TRIM9: variants seen among roughly 807,000 people sequenced by gnomAD.
TRIM9 encodes tripartite motif containing 9.
TRIM9 carries 26 observed loss-of-function variants against 78.3 expected under a neutral mutation model. The ratio of observed to expected loss-of-function variants is 0.33; its 90% confidence interval spans 0.24 to 0.46. The LOEUF is 0.46. Among genes scored for constraint, TRIM9 ranks in the 20% least tolerant of loss-of-function variants. TRIM9 has a pLI of 1.00. For missense variants in TRIM9, 787 were observed against 1,036.4 expected, an observed-to-expected ratio of 0.76 and a Z score of 3.30; for synonymous variants, 398 against 416.5, an observed-to-expected ratio of 0.96 and a Z score of 0.54.
At position 51,090,604 on chromosome 14, in the gene TRIM9, A is replaced by AT. The variant is rs1370204349; in HGVS notation, c.822+3513dup. On this transcript the variant is annotated intron_variant, in intron 1 of 12. Transcript: ENST00000684578. ...AATATGTTACTGATTCAGTGACTTC[A>AT]TTTTTTTATTTTGAGACAGTCTTGC... The AT allele has an allele frequency of 2.6e-5, 4 of 152,072 alleles. No individual in the cohort carries two copies. The East Asian group carries it at 5.8e-4, about 22-fold the overall frequency. 9.4% of individuals were successfully genotyped at this position (152,072 alleles called of 1,614,324 possible).
intron 7 of TRIM9, among the ~76,000 whole-genome samples, chr14:50,995,245 C>T (rs559667195): frequency 1.2e-4 from 19 of 152,126 alleles, no homozygotes; most frequent in Non-Finnish European, 2.5e-4. Flanking sequence ...AAAATTTTAT[C>T]TTCCTGCTAA....
At chr14:51,026,750 A>C (rs925478421) in intron 1 of TRIM9, among the ~76,000 whole-genome samples, 2 of 150,910 alleles carry the variant, frequency 1.3e-5, no homozygotes, top group African/African-American at 5.0e-5. Context: ...TGGTAGAAAG[A>C]ATATAGGTTT....
At chr14:51,048,642 T>C (rs1166529243) in intron 1 of TRIM9, among the ~76,000 whole-genome samples, 1 of 151,864 alleles carries the variant, frequency 6.6e-6, no homozygotes, top group East Asian at 1.9e-4. Flanking sequence ...GTGTAATCAA[T>C]GAAAGGAAGC....
rs1198174790 is a variant in TRIM9 at position 50,979,387 on chromosome 14, C to T, written c.2325G>A (p.Gln775=). The T allele has an allele frequency of 6.2e-7, 1 of 1,614,084 alleles. No homozygotes were observed. The highest frequency in any genetic ancestry group is 1.3e-5 in the African/African-American group (1 of 74,928). ...TTAACCTCAGGGGCAGGGTGCTTAC[C>T]TGCACGTTCCTGTTCAGGCTGACCG... is the stretch of plus-strand genomic sequence containing the variant. ...FPAVSLNRNV[Q]VTLHTGLPVP... Residue 775 remains glutamine (Q), a splice_region_variant and synonymous_variant, in exon 12 of 13, where the codon CAG becomes CAA. Coordinates refer to ENST00000684578, the MANE Select transcript of TRIM9 (RefSeq NM_001387360.1).
chr14:51,038,366 T>C (rs2059327724), intron 1 of TRIM9, among the ~76,000 whole-genome samples: 1 of 152,186 alleles, frequency 6.6e-6, no homozygotes, highest in Non-Finnish European at 1.5e-5. Context: ...TGTTTTAAGT[T>C]GCTAAGTTTT....
At chr14:50,986,887 T>C (rs111586814) in intron 7 of TRIM9, among the ~76,000 whole-genome samples, 2,920 of 152,342 alleles carry the variant, frequency 0.019, 94 homozygotes, top group African/African-American at 0.065. Flanking sequence ...TCTGTTCAGA[T>C]AGTCAGGTTT....
chr14:51,031,343 G>T (rs1424395031), intron 1 of TRIM9, among the ~76,000 whole-genome samples: 1 of 151,960 alleles, frequency 6.6e-6, no homozygotes, highest in African/African-American at 2.4e-5. Flanking sequence ...CTCCCTTAAG[G>T]TACCTGTCTG....
At chr14:51,082,229 G>A (rs1052370459) in intron 1 of TRIM9, among the ~76,000 whole-genome samples, 3 of 152,122 alleles carry the variant, frequency 2.0e-5, no homozygotes, top group Non-Finnish European at 2.9e-5. Flanking sequence ...CACGGACAAA[G>A]ACCAAATATA....
Position 51,052,836 on chromosome 14 carries a change from T to C in TRIM9, c.823-27476A>G, listed in dbSNP as rs574893078. Among the ~76,000 whole-genome samples the C allele has an allele frequency of 2.6e-5, 4 of 152,282 alleles. No homozygotes were observed. The South Asian group carries it at 8.3e-4, about 32-fold the overall frequency. On this transcript the variant is annotated intron_variant, in intron 1 of 12. Transcript: ENST00000684578. ...TTACTGGTGCACTATACGAGCCCCATACCTCATTGCTGCCACTGATGGAGA... is the reference window on the plus strand; with the variant it reads ...TTACTGGTGCACTATACGAGCCCCACACCTCATTGCTGCCACTGATGGAGA...
At chr14:51,090,829 G>T (rs112522970) in intron 1 of TRIM9, 1,576 of 152,184 alleles carry the variant, frequency 0.01, 12 homozygotes, top group South Asian at 0.049. Context: ...AATCCTGGCC[G>T]CAAGAGATCT....
chr14:51,000,513 C>T (rs929045340), intron 6 of TRIM9, among the ~76,000 whole-genome samples, 170 bp downstream of exon 6: 6 of 152,192 alleles, frequency 3.9e-5, no homozygotes, highest in African/African-American at 1.4e-4. Flanking sequence ...CTGCTCCATC[C>T]ACCTTCACGG....
At chr14:51,005,462 T>C (rs2055652507) in intron 5 of TRIM9, among the ~76,000 whole-genome samples, 1 of 152,250 alleles carries the variant, frequency 6.6e-6, no homozygotes, top group African/African-American at 2.4e-5. Flanking sequence ...TTCAGTACCA[T>C]GACTCATGAA....
chr14:51,032,262 T>TG (rs1441977407), intron 1 of TRIM9, among the ~76,000 whole-genome samples: 2 of 152,210 alleles, frequency 1.3e-5, no homozygotes, highest in Non-Finnish European at 2.9e-5. Flanking sequence ...CAGATGAACT[T>TG]GAGTTTCAGT....
chr14:50,991,661 G>A (rs1319369290), intron 7 of TRIM9, among the ~76,000 whole-genome samples: 1 of 152,170 alleles, frequency 6.6e-6, no homozygotes, highest in African/African-American at 2.4e-5. Context: ...CTTGGAGGAG[G>A]CAGGAGGTAT....
chr14:51,066,076 GGAAGGAAGGAA>G (rs2061704786), intron 1 of TRIM9, among the ~76,000 whole-genome samples: 7 of 130,706 alleles, frequency 5.4e-5, no homozygotes, highest in African/African-American at 1.5e-4. Context: ...AAGGAAGGAA[GGAAGGAAGGAA>G]GGAGGGAGGG....
chr14:51,072,854 C>T lies in TRIM9; in HGVS notation c.822+21264G>A, dbSNP rs573315477. Among the ~76,000 whole-genome samples, 40 of 152,022 alleles carry T rather than the reference C, an allele frequency of 2.6e-4. No homozygotes were observed. The South Asian group carries it at 7.3e-3, about 28-fold the overall frequency. ...AATGATTTGATAGAGAGCAATGTAC[C>T]GTGTAGGAGATGATTTGCACTGAGA... On this transcript the variant is annotated intron_variant, in intron 1 of 12. Coordinates refer to ENST00000684578, the MANE Select transcript of TRIM9 (RefSeq NM_001387360.1).
chr14:51,015,842 T>A (rs11157790), intron 3 of TRIM9, among the ~76,000 whole-genome samples: 47,295 of 152,056 alleles, frequency 0.31, 7,466 homozygotes, highest in South Asian at 0.52. Context: ...TCATCATAGG[T>A]TTTGATGGGA....
intron 7 of TRIM9, chr14:50,996,258 C>T (rs1596125970): frequency 1.0e-6 from 1 of 985,352 alleles, no homozygotes; most frequent in Non-Finnish European, 1.2e-6. Flanking sequence ...TGGAAGAGAA[C>T]TTGTTCCGTT....
At chr14:51,014,716 A>C (rs1233369963) in intron 3 of TRIM9, among the ~76,000 whole-genome samples, 1 of 152,186 alleles carries the variant, frequency 6.6e-6, no homozygotes, top group Non-Finnish European at 1.5e-5. Flanking sequence ...TACTCATACC[A>C]CATTTTGTGA....
Sources: gnomAD v4.1 joint callset for allele counts (sites outside exome capture counted in the v4.1 genomes callset) on GRCh38, gnomAD v4.1.1 for gene constraint, MANE v1.5 for transcripts, NCBI Gene and HGNC (gene_info 2026-07-23, HGNC 2026-07-21) for gene names.